Variants in ELAVL4 observed in about 807,000 individuals in gnomAD.
ELAVL4 encodes the protein ELAV-like protein 4.
In ELAVL4, 1 loss-of-function variant was observed where a neutral mutation model predicts 35.6. That is an observed-to-expected ratio of 0.03 (90% CI 0.01 to 0.13). The LOEUF (loss-of-function observed/expected upper bound fraction) is 0.13. Among genes scored for constraint, ELAVL4 ranks in the 10% least tolerant of loss-of-function variants. The pLI is 1.00. For missense variants in ELAVL4, 267 were observed against 464.9 expected (o/e 0.57, Z 3.91); for synonymous variants, 156 against 171.0 (o/e 0.91, Z 0.69).
intron 6 of ELAVL4, among the ~76,000 whole-genome samples, chr1:50,199,320 A>G (rs1644259000): frequency 1.3e-5 from 2 of 152,214 alleles, no homozygotes; most frequent in Admixed American, 1.3e-4. Context: ...CTCACACTTT[A>G]CACCATGCTC....
chr1:50,072,409 T>C (rs4926843), intron 1 of ELAVL4, among the ~76,000 whole-genome samples: 14,571 of 152,196 alleles, frequency 0.096, 946 homozygotes, highest in African/African-American at 0.18. Context: ...GTATTCCTTC[T>C]CCAGCAGAGA....
intron 3 of ELAVL4, chr1:50,180,656 G>A (rs1164887612): frequency 6.6e-6 from 1 of 152,090 alleles, no homozygotes; most frequent in African/African-American, 2.4e-5. Context: ...TGACTCCAGG[G>A]GAATTGTTCT....
At chr1:50,154,550 C>T (rs115933054) in intron 2 of ELAVL4, among the ~76,000 whole-genome samples, 60 of 152,304 alleles carry the variant, frequency 3.9e-4, no homozygotes, top group African/African-American at 1.3e-3. Context: ...TCACAAACTT[C>T]TGGAATCAGA....
At chr1:50,104,002 T>C (rs936573848), upstream of ELAVL4, 2 of 1,613,956 alleles carry the variant, frequency 1.2e-6, no homozygotes, top group African/African-American at 2.7e-5. Flanking sequence ...ATGGAACAGG[T>C]CTGTTTAGCC....
rs140739304 is a variant in ELAVL4 at position 50,117,950 on chromosome 1, G to T, written c.9+8752G>T. 2.3e-3 allele frequency among the ~76,000 whole-genome samples: 354 copies of T among 152,138 alleles called. 6 individuals are homozygous for T. The highest frequency in any genetic ancestry group is 0.021 in the Admixed American group (318 of 15,282). On this transcript the variant is annotated intron_variant, in intron 1 of 6. Transcript: ENST00000371824. ...GCATCCTCCTAGGATTTCACAAGCT[G>T]TATCCATGATCTCCTTTGGAATTAG...
At chr1:50,179,440 G>C (rs1331028193) in intron 3 of ELAVL4, 1 of 151,994 alleles carries the variant, frequency 6.6e-6, no homozygotes, top group Non-Finnish European at 1.5e-5. Context: ...CAATGTTTAA[G>C]GTAAAAATCA....
intron 3 of ELAVL4, among the ~76,000 whole-genome samples, chr1:50,182,010 T>C (rs1348878985): frequency 6.6e-6 from 1 of 152,220 alleles, no homozygotes; most frequent in Non-Finnish European, 1.5e-5. Flanking sequence ...TCGTCTCCAA[T>C]AGGGATCATT....
intron 1 of ELAVL4, among the ~76,000 whole-genome samples, chr1:50,073,992 C>T (rs1261368088): frequency 6.6e-6 from 1 of 152,142 alleles, no homozygotes; most frequent in Non-Finnish European, 1.5e-5. Flanking sequence ...GCAAAGCATG[C>T]TGAGTCATCA....
intron 1 of ELAVL4, among the ~76,000 whole-genome samples, chr1:50,082,028 C>T (rs1205610718): frequency 1.3e-5 from 2 of 152,168 alleles, no homozygotes; most frequent in Admixed American, 1.3e-4. Flanking sequence ...TTTATGACTG[C>T]ATAGTATTCC....
intron 3 of ELAVL4, among the ~76,000 whole-genome samples, 158 bp downstream of exon 3, chr1:50,177,350 T>C (rs998796139): frequency 6.6e-6 from 1 of 152,140 alleles, no homozygotes; most frequent in African/African-American, 2.4e-5. Flanking sequence ...ACACAGAGTG[T>C]TACAGAAGAG....
At chr1:50,062,837 A>G (rs1474735584) in intron 1 of ELAVL4, among the ~76,000 whole-genome samples, 1 of 152,084 alleles carries the variant, frequency 6.6e-6, no homozygotes, top group Non-Finnish European at 1.5e-5. Context: ...TTGCTTCCCG[A>G]TGATACAAAT....
intron 1 of ELAVL4, among the ~76,000 whole-genome samples, chr1:50,075,472 C>G (rs1410760695): frequency 6.6e-6 from 1 of 152,114 alleles, no homozygotes; most frequent in Non-Finnish European, 1.5e-5. Flanking sequence ...TAGAAGAGTA[C>G]TGAAGAGGAA....
intron 3 of ELAVL4, among the ~76,000 whole-genome samples, chr1:50,189,883 C>T (rs1030887111): frequency 6.6e-6 from 1 of 152,236 alleles, no homozygotes; most frequent in Non-Finnish European, 1.5e-5. Flanking sequence ...CTAGTGAGTA[C>T]TGGAGCTGAC....
At chr1:50,147,394 C>A (rs1373013645) in intron 2 of ELAVL4, among the ~76,000 whole-genome samples, 1 of 152,174 alleles carries the variant, frequency 6.6e-6, no homozygotes. Context: ...CTAGTCCCTG[C>A]TGTACCATTC....
intron 2 of ELAVL4, among the ~76,000 whole-genome samples, chr1:50,148,558 T>C (rs1001680034): frequency 3.3e-5 from 5 of 152,292 alleles, no homozygotes; most frequent in South Asian, 4.1e-4. Flanking sequence ...CTTTTTCCAA[T>C]TGGGAAAGGA....
chr1:50,165,494 A>T (rs1677610889), intron 2 of ELAVL4, among the ~76,000 whole-genome samples: 1 of 150,660 alleles, frequency 6.6e-6, no homozygotes, highest in Non-Finnish European at 1.5e-5. Flanking sequence ...ATGTGTGTGT[A>T]TACATGTATA....
chr1:50,168,422 A>G (rs1016038420), intron 2 of ELAVL4, among the ~76,000 whole-genome samples: 6 of 152,148 alleles, frequency 3.9e-5, no homozygotes, highest in African/African-American at 1.2e-4. Flanking sequence ...CACTCACATG[A>G]TAAGAGCTCA....
intron 2 of ELAVL4, among the ~76,000 whole-genome samples, chr1:50,166,133 C>T (rs183002250): frequency 6.6e-6 from 1 of 152,200 alleles, no homozygotes; most frequent in East Asian, 1.9e-4. Context: ...TGGCAACACC[C>T]TCACAGACAC....
intron 1 of ELAVL4, among the ~76,000 whole-genome samples, chr1:50,076,503 A>T (rs1664772749): frequency 6.6e-6 from 1 of 152,198 alleles, no homozygotes; most frequent in South Asian, 2.1e-4. Context: ...ACCATAGTAT[A>T]TATTGTGTTA....
Sources: gnomAD v4.1 joint callset for allele counts (sites outside exome capture counted in the v4.1 genomes callset) on GRCh38, gnomAD v4.1.1 for gene constraint, MANE v1.5 for transcripts, NCBI Gene and HGNC (gene_info 2026-07-23, HGNC 2026-07-21) for gene names.